DHX40: variants seen among roughly 807,000 people sequenced by gnomAD.
DHX40 encodes the protein DEAH-box helicase 40, also known as probable ATP-dependent RNA helicase DHX40.
Under a neutral mutation model 89.6 loss-of-function variants are expected in DHX40, and 28 were observed. The observed-to-expected ratio is 0.31, with a 90% confidence interval of 0.23 to 0.43. The LOEUF (loss-of-function observed/expected upper bound fraction) is 0.43. DHX40 is among the 20% of genes least tolerant of loss of function. The pLI is 1.00. For synonymous variants in DHX40, 226 were observed against 283.6 expected (o/e 0.80, Z 2.04); for missense variants, 457 against 844.0 (o/e 0.54, Z 5.68).
intron 3 of DHX40, among the ~76,000 whole-genome samples, chr17:59,571,592 ACTT>A (rs1025683828): frequency 2.0e-5 from 3 of 150,358 alleles, no homozygotes; most frequent in East Asian, 2.0e-4. Context: ...GCCTCTGGTA[ACTT>A]CTTTTTTTTT....
intron 1 of DHX40, among the ~76,000 whole-genome samples, chr17:59,566,380 A>G (rs141684674): frequency 6.6e-6 from 1 of 152,362 alleles, no homozygotes; most frequent in African/African-American, 2.4e-5. Context: ...TTTGAAAAGT[A>G]CTTTGAGTTA....
chr17:59,565,695 G>T lies in DHX40; in HGVS notation c.24G>T (p.Ala8=). The T allele has an allele frequency of 1.9e-6, 3 of 1,602,644 alleles. No homozygotes were observed. Among genetic ancestry groups the T allele is most frequent in the Non-Finnish European group, 1.7e-6 (2 of 1,179,562 alleles). Residue 8 remains alanine (A), a synonymous_variant, in exon 1 of 18, where the codon GCG becomes GCT. Transcript: ENST00000251241. ...CTATGTCCCGGTTTCCCGCAGTCGC[G>T]GGCAGGGCGCCAAGGCGGCAGGAGG... MSRFPAV[A]GRAPRRQEEG... is the part of the protein sequence containing the mutation.
At chr17:59,592,371 A>G (rs1422093530) in intron 12 of DHX40, among the ~76,000 whole-genome samples, 3 of 149,440 alleles carry the variant, frequency 2.0e-5, no homozygotes, top group Non-Finnish European at 4.5e-5. Flanking sequence ...AGTGAAATGC[A>G]TAAATTTTAG....
intron 15 of DHX40, chr17:59,604,217 G>A (rs1356462813): frequency 2.0e-5 from 3 of 152,134 alleles, no homozygotes; most frequent in Non-Finnish European, 1.5e-5. Context: ...TGTAAGAAGT[G>A]CACAGTCGAG....
chr17:59,570,137 A>G (rs1270211039), intron 2 of DHX40, among the ~76,000 whole-genome samples: 1 of 127,608 alleles, frequency 7.8e-6, no homozygotes, highest in East Asian at 2.0e-4. Context: ...TATATATAAT[A>G]TATTATAAAT....
intron 2 of DHX40, among the ~76,000 whole-genome samples, chr17:59,570,053 T>TA (rs756523916): frequency 1.4e-4 from 14 of 101,832 alleles, no homozygotes; most frequent in East Asian, 2.9e-4. Context: ...TAAATATATA[T>TA]AATATACATT....
At chr17:59,606,238 A>G (rs887695610) in intron 17 of DHX40, among the ~76,000 whole-genome samples, 1 of 152,056 alleles carries the variant, frequency 6.6e-6, no homozygotes, top group African/African-American at 2.4e-5. Flanking sequence ...GGCTTTTTCT[A>G]TGAAATAATT....
chr17:59,587,647 G>A (rs1393928633), intron 11 of DHX40, among the ~76,000 whole-genome samples: 9 of 151,848 alleles, frequency 5.9e-5, no homozygotes, highest in Non-Finnish European at 8.8e-5. Flanking sequence ...TAGTGGAAAC[G>A]GGGTTTTGCC....
intron 7 of DHX40, among the ~76,000 whole-genome samples, chr17:59,575,896 G>GTTTT (rs201574680): frequency 6.7e-6 from 1 of 148,674 alleles, no homozygotes; most frequent in Non-Finnish European, 1.5e-5. Flanking sequence ...GGATTGTTTT[G>GTTTT]TTTTTTTTTT....
At chr17:59,592,570 A>G (rs1386834731) in intron 12 of DHX40, among the ~76,000 whole-genome samples, 1 of 150,862 alleles carries the variant, frequency 6.6e-6, no homozygotes, top group Non-Finnish European at 1.5e-5. Context: ...GAAACGTCAT[A>G]TAAATAGAAT....
At chr17:59,586,929 A>G (rs1293982383) in intron 11 of DHX40, among the ~76,000 whole-genome samples, 1 of 152,040 alleles carries the variant, frequency 6.6e-6, no homozygotes, top group Non-Finnish European at 1.5e-5. Flanking sequence ...CAAGGCGAGC[A>G]GATTGCTTGA....
intron 14 of DHX40, among the ~76,000 whole-genome samples, chr17:59,600,466 CT>C (rs57671289): frequency 4.7e-5 from 7 of 148,710 alleles, no homozygotes; most frequent in Non-Finnish European, 3.0e-5. Flanking sequence ...AGTATATGCT[CT>C]TTTTTTTTTG....
chr17:59,602,738 TTACAGTGACGAGGGAGAGC>T (rs939306147), intron 15 of DHX40, 122 bp downstream of exon 15: 76 of 850,394 alleles, frequency 8.9e-5, no homozygotes, highest in African/African-American at 3.1e-4. Flanking sequence ...ATGACATGAA[TTACAGTGACGAGGGAGAGC>T]TACAGTGACG....
chr17:59,607,447 G>T lies in DHX40; in HGVS notation c.*275G>T. 2 of 627,756 alleles carry T rather than the reference G, an allele frequency of 3.2e-6. No homozygotes were observed. Among genetic ancestry groups the T allele is most frequent in the Non-Finnish European group, 2.7e-6 (1 of 365,218 alleles). The allele number at this position is 627,756 out of a possible 1,614,324, so 38.9% of individuals were successfully genotyped here. On this transcript the variant is annotated 3_prime_UTR_variant, in exon 18 of 18. Coordinates refer to ENST00000251241, the MANE Select transcript of DHX40 (RefSeq NM_024612.5). Reference sequence around the variant, plus strand: ...ATAATATTTTCCTCAGTACAATTTTGCTGGCCTTAACTGGTATCAAACGCT... The same window carrying T: ...ATAATATTTTCCTCAGTACAATTTTTCTGGCCTTAACTGGTATCAAACGCT...
At chr17:59,595,107 G>T (rs537364665) in intron 12 of DHX40, among the ~76,000 whole-genome samples, 56 of 150,630 alleles carry the variant, frequency 3.7e-4, no homozygotes, top group African/African-American at 1.2e-3. Flanking sequence ...TTTTGAGACA[G>T]AATTTTGCTC....
chr17:59,588,601 G>A (rs2049035422), intron 12 of DHX40, among the ~76,000 whole-genome samples: 1 of 152,048 alleles, frequency 6.6e-6, no homozygotes, highest in Non-Finnish European at 1.5e-5. Flanking sequence ...CAAAGTGCTG[G>A]GATTACAGGC....
chr17:59,588,532 A>G (rs1053026439), intron 12 of DHX40, among the ~76,000 whole-genome samples: 6 of 152,090 alleles, frequency 3.9e-5, no homozygotes, highest in Non-Finnish European at 8.8e-5. Context: ...CGGTTTCTCC[A>G]TGTTGGCCAG....
At chr17:59,586,639 C>G (rs2049000981) in intron 11 of DHX40, among the ~76,000 whole-genome samples, 1 of 150,968 alleles carries the variant, frequency 6.6e-6, no homozygotes, top group African/African-American at 2.4e-5. Flanking sequence ...GCACTCCAGC[C>G]TGGGCAACAG....
At chr17:59,573,051 C>G in intron 3 of DHX40, 65 bp from the exon 4 acceptor site, 1 of 1,545,730 alleles carries the variant, frequency 6.5e-7, no homozygotes, top group Middle Eastern at 1.7e-4. Context: ...GTTTGTACCT[C>G]TTGAGGAAAA....
Sources: gnomAD v4.1 joint callset for allele counts (sites outside exome capture counted in the v4.1 genomes callset) on GRCh38, gnomAD v4.1.1 for gene constraint, MANE v1.5 for transcripts, NCBI Gene and HGNC (gene_info 2026-07-23, HGNC 2026-07-21) for gene names.